Variants in ARHGAP24 observed in about 807,000 individuals in gnomAD.
The protein encoded by ARHGAP24 is Rho GTPase activating protein 24, also known as rho GTPase-activating protein 24.
ARHGAP24 carries 50 observed loss-of-function variants against 76.4 expected under a neutral mutation model. That is an observed-to-expected ratio of 0.65 (90% CI 0.52 to 0.83). The LOEUF (loss-of-function observed/expected upper bound fraction) is 0.83, where lower values mean the gene tolerates loss of function less well. Among genes scored for constraint, ARHGAP24 ranks in the 40% least tolerant of loss-of-function variants. The pLI is 0.00. For missense variants in ARHGAP24, 930 were observed against 914.2 expected (o/e 1.02, Z -0.22); for synonymous variants, 345 against 323.3 (o/e 1.07, Z -0.72).
At chr4:85,913,801 ATAT>A (rs1003986541) in intron 3 of ARHGAP24, among the ~76,000 whole-genome samples, 8 of 152,184 alleles carry the variant, frequency 5.3e-5, no homozygotes, top group Admixed American at 5.2e-4. Context: ...GTGTCATCTG[ATAT>A]TATGAGTCTT....
Position 85,973,833 on chromosome 4 carries a change from G to GTTT in ARHGAP24, c.733-1030_733-1028dup, listed in dbSNP as rs1199796194. On this transcript the variant is annotated intron_variant, in intron 6 of 9. Transcript: ENST00000395184. ...CTCATGTCAAAAACTGCTGCCTATT[G>GTTT]TTTTTTTTTTTTTTTTTTTTTTTTT... 4.7e-3 allele frequency among the ~76,000 whole-genome samples: 201 copies of GTTT among 42,808 alleles called. 62 individuals are homozygous for GTTT. Among genetic ancestry groups the GTTT allele is most frequent in the African/African-American group, 0.019 (185 of 9,516 alleles). The allele number at this position is 42,808 out of a possible 152,430, so 28.1% of individuals were successfully genotyped here.
chr4:85,663,254 C>T (rs1722477289), intron 2 of ARHGAP24, among the ~76,000 whole-genome samples: 1 of 146,504 alleles, frequency 6.8e-6, no homozygotes, highest in Non-Finnish European at 1.5e-5. Context: ...AGTTGGACTC[C>T]TAGGTATTTT....
At chr4:85,670,286 A>C (rs61051714) in intron 2 of ARHGAP24, among the ~76,000 whole-genome samples, 1 of 152,168 alleles carries the variant, frequency 6.6e-6, no homozygotes, top group African/African-American at 2.4e-5. Flanking sequence ...GTTAGGATAG[A>C]GTGATTCTGT....
intron 3 of ARHGAP24, among the ~76,000 whole-genome samples, chr4:85,858,342 T>G (rs2110172710): frequency 6.6e-6 from 1 of 152,312 alleles, no homozygotes; most frequent in African/African-American, 2.4e-5. Context: ...ATTCTGTTGC[T>G]ATTTGTTTAA....
chr4:85,854,161 A>G (rs1301835366), intron 3 of ARHGAP24, among the ~76,000 whole-genome samples: 1 of 151,658 alleles, frequency 6.6e-6, no homozygotes, highest in Non-Finnish European at 1.5e-5. Context: ...AAAAAGAAAA[A>G]AAAGGAAAAC....
intron 3 of ARHGAP24, among the ~76,000 whole-genome samples, chr4:85,789,559 T>C (rs1728023665): frequency 6.6e-6 from 1 of 152,104 alleles, no homozygotes; most frequent in African/African-American, 2.4e-5. Context: ...CTACAGAGTA[T>C]GAAGAAAAAC....
At chr4:85,564,464 C>T (rs113881230) in intron 1 of ARHGAP24, among the ~76,000 whole-genome samples, 7 of 147,516 alleles carry the variant, frequency 4.7e-5, no homozygotes, top group African/African-American at 1.8e-4. Flanking sequence ...ATGGGTGCAG[C>T]ACACCAACAT....
Position 85,939,719 on chromosome 4 carries a change from A to G in ARHGAP24, c.392-2347A>G, listed in dbSNP as rs529727792. On this transcript the variant is annotated intron_variant, in intron 4 of 9. Transcript: ENST00000395184. ...GGTTGTTGGGGAAAAAAAAATCCCGAAAGCTTTGAGAAAAGAATGTTTGAC... is the reference window on the plus strand; with the variant it reads ...GGTTGTTGGGGAAAAAAAAATCCCGGAAGCTTTGAGAAAAGAATGTTTGAC... 1.4e-3 allele frequency among the ~76,000 whole-genome samples: 216 copies of G among 152,254 alleles called. 2 individuals carry two copies. The highest frequency in any genetic ancestry group is 4.9e-3 in the African/African-American group (204 of 41,552).
intron 1 of ARHGAP24, among the ~76,000 whole-genome samples, chr4:85,540,061 TAATAA>T (rs1469502493): frequency 6.6e-6 from 1 of 151,680 alleles, no homozygotes; most frequent in South Asian, 2.1e-4. Context: ...AATAAATACA[TAATAA>T]AATAAAATAA....
At chr4:85,478,166 T>G (rs767881189) in intron 1 of ARHGAP24, among the ~76,000 whole-genome samples, 1 of 152,154 alleles carries the variant, frequency 6.6e-6, no homozygotes, top group Non-Finnish European at 1.5e-5. Flanking sequence ...TCACATTTTA[T>G]AGAGGAAAAA....
chr4:85,557,269 T>A (rs933942598), intron 1 of ARHGAP24, among the ~76,000 whole-genome samples: 7 of 152,124 alleles, frequency 4.6e-5, no homozygotes, highest in African/African-American at 1.4e-4. Flanking sequence ...ATTTGGTTCC[T>A]TTCCTGCAGG....
At chr4:85,498,799 A>T (rs1323714177) in intron 1 of ARHGAP24, among the ~76,000 whole-genome samples, 1 of 152,246 alleles carries the variant, frequency 6.6e-6, no homozygotes, top group African/African-American at 2.4e-5. Context: ...TGATACTTGT[A>T]TTAGTAAATT....
chr4:85,804,192 T>A (rs1038654053), intron 3 of ARHGAP24, among the ~76,000 whole-genome samples: 1 of 152,144 alleles, frequency 6.6e-6, no homozygotes, highest in African/African-American at 2.4e-5. Context: ...TCCAAAATTT[T>A]GTACAACTCA....
At chr4:85,991,414 C>T (rs1331149630) in intron 8 of ARHGAP24, 1 of 152,142 alleles carries the variant, frequency 6.6e-6, no homozygotes, top group Non-Finnish European at 1.5e-5. Context: ...GCCACATGTT[C>T]ATATCAACAC....
intron 8 of ARHGAP24, among the ~76,000 whole-genome samples, chr4:85,982,642 T>C (rs1739738294): frequency 2.0e-5 from 3 of 152,176 alleles, no homozygotes; most frequent in Admixed American, 2.0e-4. Context: ...GAAAAAGTGT[T>C]CTTGCATCCA....
intron 3 of ARHGAP24, among the ~76,000 whole-genome samples, chr4:85,747,991 A>G (rs909844075): frequency 2.0e-5 from 3 of 152,230 alleles, no homozygotes; most frequent in East Asian, 1.9e-4. Context: ...CTAGCAGCTT[A>G]TATCTGTTCA....
intron 3 of ARHGAP24, among the ~76,000 whole-genome samples, chr4:85,755,669 G>T (rs1199373220): frequency 8.1e-6 from 1 of 124,104 alleles, no homozygotes; most frequent in Non-Finnish European, 1.6e-5. Flanking sequence ...GTCTCGTTCT[G>T]TTGCCCAGGC....
chr4:85,568,715 C>T (rs893856853), intron 1 of ARHGAP24, among the ~76,000 whole-genome samples: 8 of 152,058 alleles, frequency 5.3e-5, no homozygotes, highest in African/African-American at 1.7e-4. Flanking sequence ...TGGAATGCCC[C>T]ATAGAGCAAA....
At position 85,660,974 on chromosome 4, in the gene ARHGAP24, C is replaced by A. The variant is rs528786482; in HGVS notation, c.181-60911C>A. Among the ~76,000 whole-genome samples the A allele has an allele frequency of 7.2e-5, 11 of 152,224 alleles. No homozygotes were observed. The East Asian group carries it at 2.1e-3, about 29-fold the overall frequency. Reference sequence around the variant, plus strand: ...CTTCAGAAACAGAAATAGCCACAGGCAAACACTTTGAAGCATGCATCTTCC... The same window carrying A: ...CTTCAGAAACAGAAATAGCCACAGGAAAACACTTTGAAGCATGCATCTTCC... On this transcript the variant is annotated intron_variant, in intron 2 of 9. Transcript: ENST00000395184.
Sources: gnomAD v4.1 joint callset for allele counts (sites outside exome capture counted in the v4.1 genomes callset) on GRCh38, gnomAD v4.1.1 for gene constraint, MANE v1.5 for transcripts, NCBI Gene and HGNC (gene_info 2026-07-23, HGNC 2026-07-21) for gene names.